MSRA: variants seen among roughly 807,000 people sequenced by gnomAD.
MSRA encodes the protein methionine sulfoxide reductase A.
Under a neutral mutation model 31.3 loss-of-function variants are expected in MSRA, and 54 were observed. The ratio of observed to expected loss-of-function variants is 1.73; its 90% CI spans 1.39 to 2.17. MSRA has a LOEUF of 2.17. Ranked by LOEUF, MSRA falls within the 30% of genes most tolerant of loss-of-function variation. The pLI is 0.00. For synonymous variants in MSRA, 169 were observed against 116.5 expected (o/e 1.45, Z -2.90); for missense variants, 507 against 300.9 (o/e 1.69, Z -5.07).
At chr8:10,418,844 A>AAC (rs1808639720) in intron 5 of MSRA, among the ~76,000 whole-genome samples, 10 of 2,554 alleles carry the variant, frequency 3.9e-3, no homozygotes, top group South Asian at 0.062. Context: ...AAAAACCAAC[A>AAC]AAAAAAAAAA....
chr8:10,102,317 T>C (rs993733639), intron 1 of MSRA, among the ~76,000 whole-genome samples: 1 of 152,164 alleles, frequency 6.6e-6, no homozygotes, highest in African/African-American at 2.4e-5. Context: ...ATACTGATTA[T>C]TTTTTAAGTC....
At chr8:10,089,958 A>G (rs571282008) in intron 1 of MSRA, among the ~76,000 whole-genome samples, 2 of 152,286 alleles carry the variant, frequency 1.3e-5, no homozygotes, top group Admixed American at 6.5e-5. Context: ...CCACCTCCCA[A>G]CACCATCACA....
chr8:10,256,458 A>G (rs979730862), intron 3 of MSRA, among the ~76,000 whole-genome samples: 1 of 152,192 alleles, frequency 6.6e-6, no homozygotes, highest in Non-Finnish European at 1.5e-5. Flanking sequence ...AACGTTCAGT[A>G]GAGATTAATG....
At chr8:10,375,429 T>C (rs531545340) in intron 5 of MSRA, among the ~76,000 whole-genome samples, 1 of 152,360 alleles carries the variant, frequency 6.6e-6, no homozygotes, top group East Asian at 1.9e-4. Context: ...ACTGAATTAA[T>C]ATGCTTACGC....
At chr8:10,283,826 TATATATATATACAC>T (rs1260384106) in intron 3 of MSRA, among the ~76,000 whole-genome samples, 4 of 68,394 alleles carry the variant, frequency 5.8e-5, no homozygotes, top group Non-Finnish European at 1.2e-4. Context: ...TATATATATA[TATATATATATACAC>T]ACACACACAC....
chr8:10,119,412 G>C (rs553700005), intron 1 of MSRA, among the ~76,000 whole-genome samples: 2 of 152,166 alleles, frequency 1.3e-5, no homozygotes, highest in African/African-American at 2.4e-5. Flanking sequence ...ACATGTGGAC[G>C]TGCTTTCTGC....
chr8:10,428,460 T>C lies in MSRA; in HGVS notation c.*148T>C. 3.6e-6 allele frequency: 3 copies of C among 823,996 alleles called. No individual in the cohort carries two copies. The highest frequency in any genetic ancestry group is 5.6e-6 in the Non-Finnish European group (3 of 531,032). The allele number at this position is 823,996 out of a possible 1,614,324, so 51.0% of individuals were successfully genotyped here. A position where few individuals can be genotyped will look rare whatever the true frequency, so the allele number is the denominator to read the frequency against. On this transcript the variant is annotated 3_prime_UTR_variant, in exon 6 of 6. Coordinates refer to ENST00000317173, the MANE Select transcript of MSRA (RefSeq NM_012331.5). The stretch of plus-strand genomic sequence containing the variant: ...ATTGGGTTTACCGAAGTATAATCTA[T>C]AGGAGGCGCGATGGCAAGTTGATAA...
intron 3 of MSRA, among the ~76,000 whole-genome samples, chr8:10,299,004 C>T (rs1345137519): frequency 6.6e-6 from 1 of 152,148 alleles, no homozygotes; most frequent in Non-Finnish European, 1.5e-5. Context: ...TGATTTTACC[C>T]TGTCACTAGC....
chr8:10,428,088 C>T, intron 5 of MSRA, 60 bp from the exon 6 acceptor site: 1 of 1,555,826 alleles, frequency 6.4e-7, no homozygotes, highest in Non-Finnish European at 8.7e-7. Flanking sequence ...TCAGTGCCAC[C>T]CCTCGCAGGT....
At chr8:10,201,399 G>C (rs939292366) in intron 1 of MSRA, among the ~76,000 whole-genome samples, 5 of 152,128 alleles carry the variant, frequency 3.3e-5, no homozygotes, top group African/African-American at 1.2e-4. Flanking sequence ...GTGTCTAGTG[G>C]CTAACCAGGA....
At chr8:10,243,721 A>G (rs1797460283) in intron 2 of MSRA, among the ~76,000 whole-genome samples, 2 of 152,172 alleles carry the variant, frequency 1.3e-5, no homozygotes, top group South Asian at 4.1e-4. Context: ...TATACTTAGT[A>G]TATTTTCTTC....
intron 3 of MSRA, among the ~76,000 whole-genome samples, chr8:10,255,491 C>G (rs1798128615): frequency 1.3e-5 from 2 of 152,182 alleles, no homozygotes; most frequent in African/African-American, 2.4e-5. Context: ...TCCCTTCCCC[C>G]TCGGTCCCGG....
chr8:10,061,953 G>A (rs1351517859), intron 1 of MSRA, among the ~76,000 whole-genome samples: 1 of 152,214 alleles, frequency 6.6e-6, no homozygotes, highest in Non-Finnish European at 1.5e-5. Flanking sequence ...TGGGGCCTTG[G>A]CCTGCGATCT....
At chr8:10,138,291 G>T (rs1046700869) in intron 1 of MSRA, among the ~76,000 whole-genome samples, 5 of 152,158 alleles carry the variant, frequency 3.3e-5, no homozygotes, top group Non-Finnish European at 1.5e-5. Context: ...AAAGAAAAAG[G>T]TGCTATCTAC....
At chr8:10,320,724 G>A (rs1354694218) in intron 5 of MSRA, among the ~76,000 whole-genome samples, 4 of 152,106 alleles carry the variant, frequency 2.6e-5, no homozygotes, top group African/African-American at 7.2e-5. Context: ...TCAAGGTGTC[G>A]GCAGGGCTGG....
intron 5 of MSRA, among the ~76,000 whole-genome samples, chr8:10,339,611 G>A (rs138161666): frequency 6.3e-4 from 81 of 128,820 alleles, no homozygotes; most frequent in African/African-American, 2.3e-3. Context: ...ATGCGATCTT[G>A]GCTCACTGCA....
At chr8:10,073,445 G>A (rs958092881) in intron 1 of MSRA, among the ~76,000 whole-genome samples, 4 of 152,206 alleles carry the variant, frequency 2.6e-5, no homozygotes, top group African/African-American at 9.6e-5. Flanking sequence ...AGTTGTGATA[G>A]TGACCATATG....
At chr8:10,401,387 A>G (rs1170100101) in intron 5 of MSRA, among the ~76,000 whole-genome samples, 2 of 152,238 alleles carry the variant, frequency 1.3e-5, no homozygotes, top group African/African-American at 2.4e-5. Flanking sequence ...GACGGCTATT[A>G]TCAAAACAAA....
rs150129615 is a variant in MSRA at position 10,116,606 on chromosome 8, A to C, written c.142+61948A>C. Reference sequence around the variant, plus strand: ...TCGTGTGATAACATACATGCCATCGATAGACACCTAGGATGCTGCAGGAGC... The same window carrying C: ...TCGTGTGATAACATACATGCCATCGCTAGACACCTAGGATGCTGCAGGAGC... On this transcript the variant is annotated intron_variant, in intron 1 of 5. Coordinates refer to ENST00000317173, the MANE Select transcript of MSRA (RefSeq NM_012331.5). 7.2e-5 allele frequency among the ~76,000 whole-genome samples: 11 copies of C among 152,316 alleles called. No homozygotes were observed. The East Asian group carries it at 2.1e-3, about 29-fold the overall frequency.
Sources: gnomAD v4.1 joint callset for allele counts (sites outside exome capture counted in the v4.1 genomes callset) on GRCh38, gnomAD v4.1.1 for gene constraint, MANE v1.5 for transcripts, NCBI Gene and HGNC (gene_info 2026-07-23, HGNC 2026-07-21) for gene names.